Variants in TMPRSS11E observed in about 807,000 individuals in gnomAD.
TMPRSS11E encodes the protein transmembrane serine protease 11E.
In TMPRSS11E, 38 loss-of-function variants were observed where a neutral mutation model predicts 48.1. The observed-to-expected ratio is 0.79, with a 90% CI of 0.61 to 1.04. TMPRSS11E has a LOEUF of 1.04. Ranked by LOEUF, TMPRSS11E falls within the 50% of genes least tolerant of loss-of-function variation. The pLI is 0.00. For synonymous variants in TMPRSS11E, 158 were observed against 171.9 expected, an observed-to-expected ratio of 0.92 and a Z score of 0.63; for missense variants, 530 against 510.8, an observed-to-expected ratio of 1.04 and a Z score of -0.36.
intron 9 of TMPRSS11E, among the ~76,000 whole-genome samples, chr4:68,490,791 G>A (rs559492227): frequency 2.7e-5 from 3 of 113,088 alleles, no homozygotes; most frequent in South Asian, 2.9e-4. Context: ...GTGGAGTCTC[G>A]CTTGTTGCCC....
rs1294462641 is a variant in TMPRSS11E at position 68,477,382 on chromosome 4, GCCAGA to G, written c.722_726del (p.Ala241ValfsTer25). 1 of 1,613,452 alleles carries G rather than the reference GCCAGA, an allele frequency of 6.2e-7. No homozygotes were observed. Among genetic ancestry groups the G allele is most frequent in the South Asian group, 1.1e-5 (1 of 90,940 alleles). On this transcript the variant is annotated frameshift_variant, in exon 8 of 10. Transcript: ENST00000305363. LOFTEE classifies it high-confidence loss of function. ...TTTTCTCCCCAGATATAAGAACCCT[GCCAGA>G]TGGACTGCTTCCTTTGGAGTAACAA...
rs377425500 is a variant in TMPRSS11E at position 68,476,378 on chromosome 4, G to A, written c.647G>A (p.Arg216His). The change falls in exon 7 of 10, where the codon CGC becomes CAC. Residue 216 changes from arginine (R) to histidine (H), a missense_variant. Transcript: ENST00000305363. ...QASLQWDGSH[R>H]CGATLINATW... ...AGCCTGCAGTGGGATGGGAGTCATC[G>A]CTGTGGAGCAACCTTAATTAATGCC... 1.9e-6 allele frequency: 3 copies of A among 1,613,986 alleles called. No homozygotes were observed. The South Asian group carries it at 3.3e-5, about 18-fold the overall frequency.
At chr4:68,488,624 C>T (rs763854478) in intron 9 of TMPRSS11E, among the ~76,000 whole-genome samples, 7 of 152,076 alleles carry the variant, frequency 4.6e-5, no homozygotes, top group Non-Finnish European at 8.8e-5. Flanking sequence ...CTGCAAGCTC[C>T]GCCTCCCGGG....
intron 6 of TMPRSS11E, among the ~76,000 whole-genome samples, chr4:68,475,910 A>T (rs1201981219): frequency 6.6e-6 from 1 of 152,242 alleles, no homozygotes; most frequent in African/African-American, 2.4e-5. Flanking sequence ...ATACATACAC[A>T]TAAGCACACA....
chr4:68,476,307 C>T lies in TMPRSS11E; in HGVS notation c.576C>T (p.Ile192=), dbSNP rs1353476169. The T allele has an allele frequency of 2.5e-6, 4 of 1,614,026 alleles. No individual in the cohort carries two copies. Among genetic ancestry groups the T allele is most frequent in the African/African-American group, 1.3e-5 (1 of 74,922 alleles). The change falls in exon 7 of 10, where the codon ATC becomes ATT. Residue 192 remains isoleucine, a synonymous_variant. Coordinates refer to ENST00000305363, the MANE Select transcript of TMPRSS11E (RefSeq NM_014058.4). ...RSKTLGQSLR[I]VGGTEVEEGE... ...AAACTCTAGGTCAGAGTCTCAGGAT[C>T]GTTGGTGGGACAGAAGTAGAAGAGG...
chr4:68,464,680 G>A (rs563761463), intron 2 of TMPRSS11E, among the ~76,000 whole-genome samples: 1 of 152,266 alleles, frequency 6.6e-6, no homozygotes, highest in East Asian at 1.9e-4. Flanking sequence ...ATATGAAATT[G>A]CCAATATTTG....
At chr4:68,494,980 G>A (rs189818043) in intron 9 of TMPRSS11E, among the ~76,000 whole-genome samples, 198 of 152,212 alleles carry the variant, frequency 1.3e-3, no homozygotes, top group Non-Finnish European at 2.5e-3. Context: ...TGCCCCAAAT[G>A]TGTCTGCCTG....
chr4:68,479,763 T>C (rs1201806842), intron 9 of TMPRSS11E, among the ~76,000 whole-genome samples: 1 of 151,984 alleles, frequency 6.6e-6, no homozygotes, highest in Non-Finnish European at 1.5e-5. Context: ...GAAAGACTAT[T>C]TACCTATGGA....
At chr4:68,465,061 G>A (rs553065407) in intron 2 of TMPRSS11E, among the ~76,000 whole-genome samples, 1 of 152,194 alleles carries the variant, frequency 6.6e-6, no homozygotes, top group African/African-American at 2.4e-5. Flanking sequence ...AGATAGTTAT[G>A]AGTTATTTCC....
At chr4:68,464,497 T>A (rs1416490595) in intron 2 of TMPRSS11E, among the ~76,000 whole-genome samples, 1 of 152,154 alleles carries the variant, frequency 6.6e-6, no homozygotes, top group African/African-American at 2.4e-5. Context: ...ACCAACAAAC[T>A]CATGTTTATC....
At chr4:68,449,160 A>T (rs1004087015) in intron 1 of TMPRSS11E, among the ~76,000 whole-genome samples, 1 of 151,608 alleles carries the variant, frequency 6.6e-6, no homozygotes, top group Admixed American at 6.6e-5. Context: ...GTAGGAAAAA[A>T]TTTAAACTGG....
At chr4:68,481,661 A>G (rs1729403356) in intron 9 of TMPRSS11E, among the ~76,000 whole-genome samples, 1 of 152,106 alleles carries the variant, frequency 6.6e-6, no homozygotes, top group Admixed American at 6.6e-5. Context: ...CTATAAAAAA[A>G]TACCTGGGTC....
intron 1 of TMPRSS11E, among the ~76,000 whole-genome samples, chr4:68,461,442 A>G (rs562470412): frequency 4.6e-5 from 7 of 152,350 alleles, no homozygotes; most frequent in African/African-American, 1.7e-4. Flanking sequence ...GTCTAACTCT[A>G]TATCAAGTAC....
intron 9 of TMPRSS11E, among the ~76,000 whole-genome samples, chr4:68,479,904 T>C (rs1303227115): frequency 6.6e-6 from 1 of 152,062 alleles, no homozygotes; most frequent in African/African-American, 2.4e-5. Context: ...TCTCTAACAG[T>C]CTTTATTTCT....
intron 1 of TMPRSS11E, among the ~76,000 whole-genome samples, chr4:68,455,324 G>A (rs1324797816): frequency 6.6e-6 from 1 of 151,890 alleles, no homozygotes; most frequent in Non-Finnish European, 1.5e-5. Context: ...GATGAAAATT[G>A]AAGACCATTT....
At chr4:68,468,360 C>T (rs1728977780) in intron 3 of TMPRSS11E, among the ~76,000 whole-genome samples, 1 of 152,056 alleles carries the variant, frequency 6.6e-6, no homozygotes, top group Non-Finnish European at 1.5e-5. Context: ...GTGTGTTAGG[C>T]TAAGTATCCC....
intron 2 of TMPRSS11E, among the ~76,000 whole-genome samples, chr4:68,464,912 C>G (rs1331572204): frequency 1.3e-5 from 2 of 152,148 alleles, no homozygotes; most frequent in Non-Finnish European, 2.9e-5. Flanking sequence ...TGCATTTTAA[C>G]AGGCTCCCTA....
At chr4:68,471,323 T>A in intron 4 of TMPRSS11E, 137 bp from the exon 5 acceptor site, 1 of 522,774 alleles carries the variant, frequency 1.9e-6, no homozygotes, top group Non-Finnish European at 3.2e-6. Context: ...CCCTTCTCCT[T>A]CCTTCCTTTT....
At chr4:68,461,440 C>G (rs1237272111) in intron 1 of TMPRSS11E, among the ~76,000 whole-genome samples, 2 of 152,190 alleles carry the variant, frequency 1.3e-5, no homozygotes, top group East Asian at 3.9e-4. Flanking sequence ...GTGTCTAACT[C>G]TATATCAAGT....
Sources: allele counts gnomAD v4.1 joint callset (sites outside exome capture counted in the v4.1 genomes callset), GRCh38; gene constraint gnomAD v4.1.1; transcripts MANE v1.5; gene names NCBI Gene and HGNC (gene_info 2026-07-23, HGNC 2026-07-21).